SOX5: variants seen among roughly 807,000 people sequenced by gnomAD.
The protein encoded by SOX5 is transcription factor SOX-5.
SOX5 carries 9 observed loss-of-function variants against 92.0 expected under a neutral mutation model. The ratio of observed to expected loss-of-function variants is 0.10; its 90% CI spans 0.06 to 0.17. SOX5 has a LOEUF of 0.17. Ranked by LOEUF, SOX5 falls within the 10% of genes least tolerant of loss-of-function variation. SOX5 has a pLI of 1.00. For missense variants in SOX5, 642 were observed against 944.5 expected, an observed-to-expected ratio of 0.68 and a Z score of 4.20; for synonymous variants, 344 against 336.3, an observed-to-expected ratio of 1.02 and a Z score of -0.25.
chr12:24,016,532 C>T (rs1354999620), intron 4 of SOX5, among the ~76,000 whole-genome samples: 2 of 152,090 alleles, frequency 1.3e-5, no homozygotes, highest in South Asian at 2.1e-4. Context: ...GATCCCCTCA[C>T]AGAGTAATTA....
At chr12:23,922,326 T>C (rs953771432) in intron 1 of SOX5, among the ~76,000 whole-genome samples, 1 of 152,234 alleles carries the variant, frequency 6.6e-6, no homozygotes, top group Non-Finnish European at 1.5e-5. Context: ...ATATATCATT[T>C]AGAATATAAG....
At chr12:24,166,517 T>G (rs1387921878) in intron 4 of SOX5, among the ~76,000 whole-genome samples, 1 of 152,178 alleles carries the variant, frequency 6.6e-6, no homozygotes, top group Non-Finnish European at 1.5e-5. Flanking sequence ...TTAGCCCCCC[T>G]AATTTCCCAA....
intron 3 of SOX5, among the ~76,000 whole-genome samples, chr12:23,815,348 T>C (rs2095967948): frequency 6.6e-6 from 1 of 152,212 alleles, no homozygotes. Context: ...AATTACTATA[T>C]AGACCACAAA....
At chr12:23,600,270 T>C (rs376831359) in intron 9 of SOX5, among the ~76,000 whole-genome samples, 3 of 151,976 alleles carry the variant, frequency 2.0e-5, no homozygotes, top group African/African-American at 7.2e-5. Context: ...GCCATAAACA[T>C]AGCTGTTAGG....
chr12:24,169,097 T>A (rs1953767418), intron 4 of SOX5, among the ~76,000 whole-genome samples: 1 of 152,186 alleles, frequency 6.6e-6, no homozygotes, highest in African/African-American at 2.4e-5. Flanking sequence ...ATTCTTATAG[T>A]GAATAGCGAC....
intron 2 of SOX5, among the ~76,000 whole-genome samples, chr12:24,310,462 T>G (rs1351130274): frequency 6.6e-6 from 1 of 152,046 alleles, no homozygotes; most frequent in Non-Finnish European, 1.5e-5. Context: ...TGAAAGAACA[T>G]TTTTTTAACA....
chr12:24,261,303 G>T (rs1942050702), intron 3 of SOX5, among the ~76,000 whole-genome samples: 1 of 152,098 alleles, frequency 6.6e-6, no homozygotes, highest in South Asian at 2.1e-4. Flanking sequence ...GACTCATCCT[G>T]AACAGTTTTG....
At position 24,132,603 on chromosome 12, in the gene SOX5, A is replaced by C. The variant is rs78672271; in HGVS notation, c.-2+80740T>G. On this transcript the variant is annotated intron_variant, in intron 4 of 4. Transcript: ENST00000446891. ...TCCGTATACTTGGGTTAGAATTTTA[A>C]GAAGCAACTCTAGGAAACCAAATTT... Among the ~76,000 whole-genome samples, 941 of 152,272 alleles carry C rather than the reference A, an allele frequency of 6.2e-3. 9 individuals carry two copies. Among genetic ancestry groups the C allele is most frequent in the South Asian group, 0.036 (176 of 4,824 alleles).
intron 6 of SOX5, among the ~76,000 whole-genome samples, chr12:23,715,025 A>C (rs2092376937): frequency 6.6e-6 from 1 of 152,128 alleles, no homozygotes; most frequent in Non-Finnish European, 1.5e-5. Context: ...AGAAGCATAG[A>C]GTTTCCTATG....
intron 6 of SOX5, among the ~76,000 whole-genome samples, chr12:23,693,718 C>T (rs1419000374): frequency 2.0e-5 from 3 of 152,106 alleles, no homozygotes; most frequent in Non-Finnish European, 4.4e-5. Context: ...GCTTGTATTA[C>T]TCTCAACCAA....
At chr12:23,538,799 CTTTTTT>C (rs67268404) in intron 13 of SOX5, among the ~76,000 whole-genome samples, 1 of 108,144 alleles carries the variant, frequency 9.2e-6, no homozygotes. Context: ...CCAGCATTTT[CTTTTTT>C]TTTTTTTTTT....
chr12:24,355,969 T>C (rs1364724728), intron 2 of SOX5, among the ~76,000 whole-genome samples: 1 of 152,202 alleles, frequency 6.6e-6, no homozygotes, highest in Non-Finnish European at 1.5e-5. Context: ...AATAGAAAGA[T>C]GCAATTGGTC....
At chr12:24,263,822 A>C (rs1416900701) in intron 3 of SOX5, among the ~76,000 whole-genome samples, 1 of 152,188 alleles carries the variant, frequency 6.6e-6, no homozygotes, top group Non-Finnish European at 1.5e-5. Context: ...GAAGTTCCTC[A>C]AAGAAATTTC....
At chr12:24,401,111 T>A (rs189151349) in intron 1 of SOX5, among the ~76,000 whole-genome samples, 6 of 152,214 alleles carry the variant, frequency 3.9e-5, no homozygotes, top group South Asian at 2.1e-4. Flanking sequence ...CCCAGCACTT[T>A]GGGAGGCTGA....
intron 4 of SOX5, among the ~76,000 whole-genome samples, chr12:24,010,666 G>A (rs959972797): frequency 6.6e-6 from 1 of 152,158 alleles, no homozygotes; most frequent in Non-Finnish European, 1.5e-5. Context: ...CGGGTGCTGT[G>A]GCTCATGCCT....
chr12:23,973,590 G>A (rs1044442357), intron 4 of SOX5, among the ~76,000 whole-genome samples: 3 of 152,176 alleles, frequency 2.0e-5, no homozygotes, highest in African/African-American at 7.2e-5. Context: ...AATATACAGT[G>A]AATTCCCCTT....
intron 2 of SOX5, among the ~76,000 whole-genome samples, chr12:24,286,092 A>G (rs974140126): frequency 6.6e-6 from 1 of 152,204 alleles, no homozygotes; most frequent in African/African-American, 2.4e-5. Flanking sequence ...TAAATAAAAA[A>G]TACAGAAGAA....
chr12:24,155,911 T>C (rs571852282), intron 4 of SOX5, among the ~76,000 whole-genome samples: 3 of 152,250 alleles, frequency 2.0e-5, no homozygotes, highest in African/African-American at 4.8e-5. Flanking sequence ...ACAGTAGATA[T>C]AGAAAGAGCG....
intron 4 of SOX5, among the ~76,000 whole-genome samples, chr12:24,154,605 TA>T (rs1380107005): frequency 2.0e-5 from 3 of 152,102 alleles, no homozygotes; most frequent in African/African-American, 7.2e-5. Context: ...TGGGAGGCAT[TA>T]AAAAAATTTA....
Sources: allele counts gnomAD v4.1 joint callset (sites outside exome capture counted in the v4.1 genomes callset), GRCh38; gene constraint gnomAD v4.1.1; transcripts MANE v1.5; gene names NCBI Gene and HGNC (gene_info 2026-07-23, HGNC 2026-07-21).